The following MAP2K6 variants were observed in gnomAD, a reference collection of about 807,000 sequenced individuals.
MAP2K6 encodes dual specificity mitogen-activated protein kinase kinase 6.
In MAP2K6, 16 loss-of-function variants were observed where a neutral mutation model predicts 53.7. The observed-to-expected ratio is 0.30, with a 90% CI of 0.20 to 0.45. MAP2K6 has a LOEUF of 0.45. MAP2K6 is among the 20% of genes least tolerant of loss of function. The pLI is 1.00. For synonymous variants in MAP2K6, 132 were observed against 143.1 expected (o/e 0.92, Z 0.55); for missense variants, 204 against 411.9 (o/e 0.50, Z 4.37).
chr17:69,418,855 G>T (rs1181780156), intron 1 of MAP2K6, among the ~76,000 whole-genome samples: 1 of 141,422 alleles, frequency 7.1e-6, no homozygotes, highest in Non-Finnish European at 1.5e-5. Flanking sequence ...TCTTCCTTCT[G>T]AAAATAGCTT....
At chr17:69,416,967 T>G (rs924328117) in intron 1 of MAP2K6, among the ~76,000 whole-genome samples, 1 of 152,228 alleles carries the variant, frequency 6.6e-6, no homozygotes, top group Admixed American at 6.5e-5. Flanking sequence ...AAGGAGATAT[T>G]AGCACTGCAC....
intron 1 of MAP2K6, among the ~76,000 whole-genome samples, chr17:69,477,864 T>G (rs1908205721): frequency 6.6e-6 from 1 of 152,114 alleles, no homozygotes; most frequent in Non-Finnish European, 1.5e-5. Flanking sequence ...CTTTCTAGTC[T>G]TGTAGATGGA....
At position 69,414,779 on chromosome 17, in the gene MAP2K6, G is replaced by A. The variant is rs1905846522; in HGVS notation, c.-206G>A. The A allele has an allele frequency of 1.9e-6, 1 of 533,586 alleles. No individual in the cohort carries two copies. 33.1% of individuals were successfully genotyped at this position (533,586 alleles called of 1,614,324 possible). Reference sequence around the variant, plus strand: ...AGCCTTCCCTAACGTTGCAACTGGGGGAAAAATCACTTTCCAGTCTGTTTT... The same window carrying A: ...AGCCTTCCCTAACGTTGCAACTGGGAGAAAAATCACTTTCCAGTCTGTTTT... On this transcript the variant is annotated 5_prime_UTR_variant, in exon 1 of 12. Transcript: ENST00000590474.
intron 2 of MAP2K6, among the ~76,000 whole-genome samples, chr17:69,507,244 T>A (rs926389654): frequency 2.0e-5 from 3 of 152,162 alleles, no homozygotes; most frequent in Admixed American, 1.3e-4. Context: ...GTTAACATCT[T>A]ACACAACTAT....
intron 2 of MAP2K6, among the ~76,000 whole-genome samples, chr17:69,508,935 A>C (rs1255687958): frequency 6.6e-6 from 1 of 152,110 alleles, no homozygotes; most frequent in Non-Finnish European, 1.5e-5. Flanking sequence ...GTTTGAAGTT[A>C]TTTCCGCATT....
chr17:69,461,851 A>G (rs1364287119), intron 1 of MAP2K6, among the ~76,000 whole-genome samples: 1 of 152,142 alleles, frequency 6.6e-6, no homozygotes, highest in African/African-American at 2.4e-5. Context: ...CGTCAATCAC[A>G]CATTACCAAA....
chr17:69,450,822 G>A (rs934099840), intron 1 of MAP2K6, among the ~76,000 whole-genome samples: 2 of 151,656 alleles, frequency 1.3e-5, no homozygotes, highest in Non-Finnish European at 2.9e-5. Flanking sequence ...GTAGAGTTTT[G>A]TAAACAGAAA....
chr17:69,527,672 A>T (rs1043162013), intron 10 of MAP2K6, among the ~76,000 whole-genome samples: 4 of 152,098 alleles, frequency 2.6e-5, no homozygotes, highest in African/African-American at 9.7e-5. Flanking sequence ...GGGGGCTCGG[A>T]GATGGTGGCA....
intron 2 of MAP2K6, among the ~76,000 whole-genome samples, chr17:69,516,396 C>T (rs1190110243): frequency 3.3e-5 from 5 of 152,118 alleles, no homozygotes; most frequent in Admixed American, 6.6e-5. Context: ...GTAATGTGAG[C>T]GATGGGGAGC....
chr17:69,553,759 G>A lies in MAP2K6; in HGVS notation c.*12006G>A, dbSNP rs545429626. On this transcript the variant is annotated 3_prime_UTR_variant, in exon 12 of 12. Transcript: ENST00000590474. ...AGTGCTTGCTATGGCTTTCATAGCT[G>A]GGACAAGTAACATTAAGTATTCAGG... 6.6e-6 allele frequency: 1 copy of A among 152,316 alleles called. No individual in the cohort carries two copies. Among genetic ancestry groups the A allele is most frequent in the African/African-American group, 2.4e-5 (1 of 41,568 alleles). The allele number at this position is 152,316 out of a possible 1,614,324, so 9.4% of individuals were successfully genotyped here. A position where few individuals can be genotyped will look rare whatever the true frequency, so the allele number is the denominator to read the frequency against.
intron 1 of MAP2K6, among the ~76,000 whole-genome samples, chr17:69,495,693 A>G (rs928926161): frequency 3.3e-5 from 5 of 151,952 alleles, no homozygotes; most frequent in African/African-American, 1.2e-4. Flanking sequence ...TTCTAGAATA[A>G]TATCATTTCA....
chr17:69,540,895 G>T (rs915795447), intron 11 of MAP2K6, among the ~76,000 whole-genome samples: 4 of 152,142 alleles, frequency 2.6e-5, no homozygotes, highest in Non-Finnish European at 5.9e-5. Context: ...CAAGGGCGAG[G>T]GCTACCTTCC....
intron 1 of MAP2K6, among the ~76,000 whole-genome samples, chr17:69,489,148 A>G (rs1011167102): frequency 6.8e-6 from 1 of 146,818 alleles, no homozygotes; most frequent in African/African-American, 2.5e-5. Flanking sequence ...TGAACCTGGG[A>G]GATGGAGGTT....
At chr17:69,524,435 C>T (rs755044523) in intron 8 of MAP2K6, among the ~76,000 whole-genome samples, 9 of 150,496 alleles carry the variant, frequency 6.0e-5, no homozygotes, top group South Asian at 2.1e-4. Flanking sequence ...ACTGGAGGAA[C>T]GGCCACTAGA....
chr17:69,512,355 T>TTTTTTTTTTTTTA (rs1362145465), intron 2 of MAP2K6, among the ~76,000 whole-genome samples: 1 of 135,366 alleles, frequency 7.4e-6, no homozygotes, highest in African/African-American at 2.9e-5. Context: ...TTTTTTTTTT[T>TTTTTTTTTTTTTA]TTGAGACAGA....
intron 10 of MAP2K6, among the ~76,000 whole-genome samples, chr17:69,530,674 T>C (rs1911036335): frequency 6.6e-6 from 1 of 152,252 alleles, no homozygotes; most frequent in Non-Finnish European, 1.5e-5. Context: ...TTTTCTTTGA[T>C]ATCCCTTAAG....
intron 1 of MAP2K6, among the ~76,000 whole-genome samples, chr17:69,502,003 AAC>A (rs1909196579): frequency 6.6e-6 from 1 of 151,562 alleles, no homozygotes; most frequent in East Asian, 1.9e-4. Flanking sequence ...CTGTGAAGTA[AAC>A]ACAGCTGGAA....
chr17:69,493,486 C>T (rs1040199989), intron 1 of MAP2K6, among the ~76,000 whole-genome samples: 10 of 152,140 alleles, frequency 6.6e-5, no homozygotes, highest in African/African-American at 1.7e-4. Context: ...TGCAGCTGGG[C>T]GTGGTGTCTC....
At chr17:69,522,664 T>G (rs1031183087) in intron 7 of MAP2K6, among the ~76,000 whole-genome samples, 1 of 152,164 alleles carries the variant, frequency 6.6e-6, no homozygotes, top group African/African-American at 2.4e-5. Context: ...GTAATACTGC[T>G]TCTTCAGTAA....
Sources: allele counts gnomAD v4.1 joint callset (sites outside exome capture counted in the v4.1 genomes callset), GRCh38; gene constraint gnomAD v4.1.1; transcripts MANE v1.5; gene names NCBI Gene and HGNC (gene_info 2026-07-23, HGNC 2026-07-21).